GCNT2: variants seen among roughly 807,000 people sequenced by gnomAD.
GCNT2 encodes the protein glucosaminyl (N-acetyl) transferase 2 (I blood group).
In GCNT2, 34 loss-of-function variants were observed where a neutral mutation model predicts 34.2. The observed-to-expected ratio is 1.00, with a 90% CI of 0.76 to 1.32. The LOEUF is 1.32. Ranked by LOEUF, GCNT2 falls within the 40% of genes most tolerant of loss-of-function variation. The pLI is 0.00. For missense variants in GCNT2, 584 were observed against 489.4 expected (o/e 1.19, Z -1.82); for synonymous variants, 212 against 188.0 (o/e 1.13, Z -1.04).
intron 3 of GCNT2, among the ~76,000 whole-genome samples, chr6:10,577,473 G>C (rs952776319): frequency 2.0e-5 from 3 of 152,210 alleles, no homozygotes; most frequent in African/African-American, 7.2e-5. Flanking sequence ...GAGCAGAAGT[G>C]CTCATGGGCC....
chr6:10,522,701 C>T (rs1331821755), intron 1 of GCNT2, among the ~76,000 whole-genome samples: 2 of 152,132 alleles, frequency 1.3e-5, no homozygotes, highest in African/African-American at 4.8e-5. Flanking sequence ...AGTATTCTAC[C>T]TATGGCAGTA....
intron 3 of GCNT2, among the ~76,000 whole-genome samples, chr6:10,545,966 G>A (rs1040978769): frequency 1.3e-5 from 2 of 152,098 alleles, no homozygotes; most frequent in African/African-American, 4.8e-5. Flanking sequence ...TAGTTCCAAG[G>A]GCAGCTAGAA....
intron 3 of GCNT2, among the ~76,000 whole-genome samples, chr6:10,537,640 G>T (rs1439389447): frequency 7.1e-6 from 1 of 141,598 alleles, no homozygotes; most frequent in East Asian, 2.2e-4. Flanking sequence ...GGCGGAGGTT[G>T]CAGTGAGCCG....
intron 3 of GCNT2, among the ~76,000 whole-genome samples, chr6:10,553,060 G>C (rs588051): frequency 1.3e-4 from 20 of 152,152 alleles, no homozygotes; most frequent in Non-Finnish European, 2.6e-4. Context: ...TAGTGTTGCT[G>C]CTCAAACCTG....
intron 3 of GCNT2, among the ~76,000 whole-genome samples, chr6:10,545,927 C>T (rs1488863927): frequency 1.3e-5 from 2 of 152,158 alleles, no homozygotes; most frequent in African/African-American, 2.4e-5. Context: ...AAAGTAGAAA[C>T]CTGGAGTTGT....
intron 3 of GCNT2, among the ~76,000 whole-genome samples, chr6:10,608,458 G>A (rs1050088801): frequency 5.3e-5 from 8 of 152,230 alleles, no homozygotes; most frequent in African/African-American, 1.7e-4. Context: ...TCCCACTTGC[G>A]GGTTTGAGGG....
At chr6:10,541,075 G>A (rs1194781251) in intron 3 of GCNT2, among the ~76,000 whole-genome samples, 5 of 151,124 alleles carry the variant, frequency 3.3e-5, no homozygotes, top group African/African-American at 9.7e-5. Context: ...ATAGGTAAAC[G>A]TGTGCCACAG....
intron 3 of GCNT2, among the ~76,000 whole-genome samples, chr6:10,538,740 C>T (rs1310919860): frequency 1.3e-5 from 2 of 151,652 alleles, no homozygotes; most frequent in Non-Finnish European, 2.9e-5. Context: ...TATATATTAC[C>T]ATCAAAAATG....
At chr6:10,611,433 C>G (rs1765551577) in intron 3 of GCNT2, among the ~76,000 whole-genome samples, 1 of 151,640 alleles carries the variant, frequency 6.6e-6, no homozygotes, top group Non-Finnish European at 1.5e-5. Context: ...CGGATTCAAG[C>G]AATTCTCCTG....
rs573516293 is a variant in GCNT2 at position 10,588,986 on chromosome 6, TTGTGTGGTGTGGGTGTG to T, written c.926-32353_926-32337del. Among the ~76,000 whole-genome samples, 142 of 134,010 alleles carry T rather than the reference TTGTGTGGTGTGGGTGTG, an allele frequency of 1.1e-3. 3 individuals carry two copies. The highest frequency in any genetic ancestry group is 1.9e-3 in the Non-Finnish European group (121 of 62,680). The allele number at this position is 134,010 out of a possible 152,430, so 87.9% of individuals were successfully genotyped here. A position where few individuals can be genotyped will look rare whatever the true frequency, so the allele number is the denominator to read the frequency against. Reference sequence around the variant, plus strand: ...TGGTGTGTGTGTATGTATGGTGTGGTTGTGTGGTGTGGGTGTGTGTGTGGTGTGTATATGTGGTGTAT... The same window carrying T: ...TGGTGTGTGTGTATGTATGGTGTGGTTGTGTGGTGTGTATATGTGGTGTAT... On this transcript the variant is annotated intron_variant, in intron 3 of 4. Coordinates refer to ENST00000495262, the MANE Select transcript of GCNT2 (RefSeq NM_145649.5).
In GCNT2 at chr6:10,617,290, G is replaced by C. The variant is rs560087811; in HGVS notation, c.926-4061G>C. Among the ~76,000 whole-genome samples, 368 of 152,304 alleles carry C rather than the reference G, an allele frequency of 2.4e-3. 2 individuals carry two copies. The Middle Eastern group carries it at 0.038, about 16-fold the overall frequency. On this transcript the variant is annotated intron_variant, in intron 3 of 4. Coordinates refer to ENST00000495262, the MANE Select transcript of GCNT2 (RefSeq NM_145649.5). ...AAGCCCCTCACTGCCCCGGGCGGCGGGGCCGGCCGGCTTCTCCGAGTGCTG... is the reference window on the plus strand; with the variant it reads ...AAGCCCCTCACTGCCCCGGGCGGCGCGGCCGGCCGGCTTCTCCGAGTGCTG...
chr6:10,553,753 G>A (rs1762576410), intron 3 of GCNT2, among the ~76,000 whole-genome samples: 2 of 152,198 alleles, frequency 1.3e-5, no homozygotes, highest in South Asian at 2.1e-4. Flanking sequence ...AATTAGCTGG[G>A]CGTGGTGGCA....
intron 3 of GCNT2, among the ~76,000 whole-genome samples, chr6:10,580,622 A>AG (rs947834363): frequency 2.0e-5 from 3 of 152,100 alleles, no homozygotes; most frequent in African/African-American, 7.2e-5. Context: ...CCTTAAAAAA[A>AG]AAAAAGATTC....
At chr6:10,605,606 A>T (rs962049023) in intron 3 of GCNT2, among the ~76,000 whole-genome samples, 2 of 152,100 alleles carry the variant, frequency 1.3e-5, no homozygotes, top group Non-Finnish European at 2.9e-5. Context: ...TGGTACTTTT[A>T]AAAAGTTCCA....
At chr6:10,592,720 T>C (rs1764702059) in intron 3 of GCNT2, among the ~76,000 whole-genome samples, 1 of 152,046 alleles carries the variant, frequency 6.6e-6, no homozygotes, top group Non-Finnish European at 1.5e-5. Flanking sequence ...AATGAGCTCT[T>C]TTATTTTTAT....
intron 3 of GCNT2, among the ~76,000 whole-genome samples, chr6:10,582,377 T>C (rs1213993945): frequency 2.1e-5 from 2 of 93,146 alleles, no homozygotes; most frequent in Non-Finnish European, 4.4e-5. Flanking sequence ...TATACTATAA[T>C]TTAATATTTA....
intron 3 of GCNT2, chr6:10,556,143 A>G (rs1762689970): frequency 7.5e-7 from 1 of 1,325,088 alleles, no homozygotes; most frequent in East Asian, 3.4e-5. Flanking sequence ...GCAGATGCAA[A>G]CGGGGAGGCA....
At chr6:10,572,435 G>A (rs1763594001) in intron 3 of GCNT2, among the ~76,000 whole-genome samples, 1 of 152,118 alleles carries the variant, frequency 6.6e-6, no homozygotes, top group African/African-American at 2.4e-5. Context: ...TAAAAGGATA[G>A]ATGGCAGGCC....
chr6:10,556,046 G>T (rs1581399479), intron 3 of GCNT2: 1 of 1,146,974 alleles, frequency 8.7e-7, no homozygotes, highest in Middle Eastern at 4.0e-4. Context: ...CAGGGGGCGG[G>T]GGTGGCATGG....
Sources: gnomAD v4.1 joint callset for allele counts (sites outside exome capture counted in the v4.1 genomes callset) on GRCh38, gnomAD v4.1.1 for gene constraint, MANE v1.5 for transcripts, NCBI Gene and HGNC (gene_info 2026-07-23, HGNC 2026-07-21) for gene names.